The following DPYD variants were observed in gnomAD, a reference collection of about 807,000 sequenced individuals.
DPYD encodes dihydropyrimidine dehydrogenase [NADP(+)].
DPYD carries 109 observed loss-of-function variants against 116.2 expected under a neutral mutation model. The ratio of observed to expected loss-of-function variants is 0.94; its 90% CI spans 0.80 to 1.10. The LOEUF is 1.10. Ranked by LOEUF, DPYD falls within the 50% of genes least tolerant of loss-of-function variation. DPYD has a pLI of 0.00. For synonymous variants in DPYD, 440 were observed against 432.0 expected (o/e 1.02, Z -0.23); for missense variants, 1,302 against 1,254.5 (o/e 1.04, Z -0.57).
chr1:97,376,969 T>G (rs1671671787), intron 15 of DPYD, among the ~76,000 whole-genome samples: 1 of 149,092 alleles, frequency 6.7e-6, no homozygotes, highest in Non-Finnish European at 1.5e-5. Context: ...TGTGTGAACT[T>G]GAACACACTC....
intron 11 of DPYD, among the ~76,000 whole-genome samples, chr1:97,557,656 T>C (rs1651845195): frequency 6.6e-6 from 1 of 152,172 alleles, no homozygotes; most frequent in Non-Finnish European, 1.5e-5. Flanking sequence ...CTTACAAATC[T>C]TAGTATAATC....
intron 18 of DPYD, among the ~76,000 whole-genome samples, chr1:97,276,403 C>A (rs980952306): frequency 6.6e-6 from 1 of 152,022 alleles, no homozygotes; most frequent in African/African-American, 2.4e-5. Flanking sequence ...GCAAACTATG[C>A]GTCCAACAAA....
chr1:97,702,418 T>A (rs1178117950), intron 5 of DPYD, among the ~76,000 whole-genome samples: 4 of 151,862 alleles, frequency 2.6e-5, no homozygotes, highest in African/African-American at 9.7e-5. Flanking sequence ...TTCTTTCATA[T>A]TTAGTTGAAT....
At chr1:97,518,587 T>C (rs1240805897) in intron 12 of DPYD, among the ~76,000 whole-genome samples, 1 of 152,266 alleles carries the variant, frequency 6.6e-6, no homozygotes, top group East Asian at 1.9e-4. Context: ...GGCCTTTGGA[T>C]GTAGATGCTT....
At chr1:97,779,729 T>C (rs891742229) in intron 3 of DPYD, among the ~76,000 whole-genome samples, 1 of 152,128 alleles carries the variant, frequency 6.6e-6, no homozygotes, top group Non-Finnish European at 1.5e-5. Context: ...TACAGTATTA[T>C]CACTCCTGGT....
intron 2 of DPYD, among the ~76,000 whole-genome samples, chr1:97,862,676 A>G (rs1328643698): frequency 6.6e-6 from 1 of 151,992 alleles, no homozygotes. Flanking sequence ...AAACAATGTA[A>G]CTCAAAAACT....
chr1:97,409,852 C>A (rs577087432), intron 14 of DPYD, among the ~76,000 whole-genome samples: 3 of 152,138 alleles, frequency 2.0e-5, no homozygotes, highest in African/African-American at 7.2e-5. Flanking sequence ...CTGAGGCAAG[C>A]GGATCACCTG....
intron 16 of DPYD, among the ~76,000 whole-genome samples, chr1:97,323,420 A>G (rs62644180): frequency 0.21 from 15,030 of 71,314 alleles, 2,542 homozygotes; most frequent in African/African-American, 0.43. Flanking sequence ...GTACACGTAT[A>G]TATACATATG....
intron 16 of DPYD, among the ~76,000 whole-genome samples, chr1:97,323,404 G>GTC (rs1668464307): frequency 1.1e-5 from 1 of 89,210 alleles, no homozygotes; most frequent in African/African-American, 3.5e-5. Context: ...ATACATATGT[G>GTC]TATATGTACA....
At chr1:97,400,400 C>G (rs1423966494) in intron 14 of DPYD, among the ~76,000 whole-genome samples, 2 of 152,140 alleles carry the variant, frequency 1.3e-5, no homozygotes, top group East Asian at 3.9e-4. Context: ...GGATATTGGT[C>G]TAAAATTATC....
intron 12 of DPYD, among the ~76,000 whole-genome samples, chr1:97,517,700 T>A (rs1648331243): frequency 1.3e-5 from 2 of 152,118 alleles, no homozygotes; most frequent in Non-Finnish European, 2.9e-5. Context: ...GTTTTAGGGT[T>A]AGACTAAAGA....
At chr1:97,309,049 C>T (rs1364796050) in intron 16 of DPYD, among the ~76,000 whole-genome samples, 3 of 151,736 alleles carry the variant, frequency 2.0e-5, no homozygotes, top group Non-Finnish European at 4.4e-5. Flanking sequence ...CTTATATATC[C>T]ATCAAAATAT....
chr1:97,758,174 C>T (rs557815145), intron 3 of DPYD, among the ~76,000 whole-genome samples: 21 of 152,242 alleles, frequency 1.4e-4, no homozygotes, highest in South Asian at 1.2e-3. Context: ...AATCTGGCTG[C>T]CATTCTGTTA....
intron 3 of DPYD, among the ~76,000 whole-genome samples, chr1:97,772,508 A>C (rs1187945588): frequency 1.3e-5 from 2 of 152,206 alleles, no homozygotes; most frequent in African/African-American, 4.8e-5. Flanking sequence ...GATCACATTG[A>C]AGGCAGAAGT....
chr1:97,599,498 A>C (rs1655113144), intron 8 of DPYD, among the ~76,000 whole-genome samples: 1 of 151,964 alleles, frequency 6.6e-6, no homozygotes, highest in African/African-American at 2.4e-5. Context: ...CAGATTCTAT[A>C]ATGTTTGCTT....
intron 18 of DPYD, among the ~76,000 whole-genome samples, chr1:97,245,232 G>T (rs1025652886): frequency 3.3e-5 from 5 of 152,056 alleles, no homozygotes; most frequent in Non-Finnish European, 5.9e-5. Flanking sequence ...TGTAAGAAAG[G>T]CAGGGCCGTG....
chr1:97,244,273 C>T (rs1300359980), intron 18 of DPYD, among the ~76,000 whole-genome samples: 2 of 151,960 alleles, frequency 1.3e-5, no homozygotes, highest in South Asian at 2.1e-4. Flanking sequence ...ATGCCCTGAA[C>T]CTACTTTTTA....
intron 7 of DPYD, among the ~76,000 whole-genome samples, chr1:97,681,305 T>C (rs999762036): frequency 1.3e-5 from 2 of 152,114 alleles, no homozygotes; most frequent in South Asian, 2.1e-4. Flanking sequence ...AAGAACAGCA[T>C]ATTATACGTG....
chr1:97,506,760 G>A (rs1002668251), intron 13 of DPYD, among the ~76,000 whole-genome samples: 3 of 151,998 alleles, frequency 2.0e-5, no homozygotes, highest in African/African-American at 7.2e-5. Context: ...AAATTGATTA[G>A]TCTGCTTCAT....
Sources: gnomAD v4.1 joint callset for allele counts (sites outside exome capture counted in the v4.1 genomes callset) on GRCh38, gnomAD v4.1.1 for gene constraint, MANE v1.5 for transcripts, NCBI Gene and HGNC (gene_info 2026-07-23, HGNC 2026-07-21) for gene names.